Variants in KDM6A observed in about 807,000 individuals in gnomAD.
KDM6A encodes lysine demethylase 6A, also known as lysine-specific demethylase 6A.
In KDM6A, 11 loss-of-function variants were observed where a neutral mutation model predicts 117.6. The ratio of observed to expected loss-of-function variants is 0.09; its 90% confidence interval spans 0.06 to 0.15. The LOEUF is 0.15. Among genes scored for constraint, KDM6A ranks in the 10% least tolerant of loss-of-function variants. The probability of loss-of-function intolerance (pLI) is 1.00; values close to 1 mark genes in which losing one functional copy is unlikely to be tolerated. For synonymous variants in KDM6A, 384 were observed against 396.1 expected, an observed-to-expected ratio of 0.97 and a Z score of 0.36; for missense variants, 799 against 1,077.3, an observed-to-expected ratio of 0.74 and a Z score of 3.62.
intron 27 of KDM6A, among the ~76,000 whole-genome samples, chrX:45,101,934 C>T (rs370057238): frequency 9.0e-6 from 1 of 110,859 alleles, no homozygotes; most frequent in Non-Finnish European, 1.9e-5. Flanking sequence ...TAAATATCCC[C>T]TTTTTTCAGC....
intron 6 of KDM6A, among the ~76,000 whole-genome samples, chrX:45,034,400 A>T (rs769284749): frequency 8.9e-6 from 1 of 112,071 alleles, no homozygotes; most frequent in Non-Finnish European, 1.9e-5. Flanking sequence ...ATGAACTTGG[A>T]CACAGGCTAT....
intron 20 of KDM6A, 83 bp downstream of exon 20, chrX:45,078,588 C>CT (rs869040842): frequency 1.5e-5 from 11 of 737,102 alleles, no homozygotes; most frequent in Admixed American, 7.8e-5. Flanking sequence ...AGATACTTTT[C>CT]TTTTTTTTCT....
intron 3 of KDM6A, among the ~76,000 whole-genome samples, chrX:44,968,209 A>G (rs1269647615): frequency 1.8e-5 from 2 of 112,554 alleles, no homozygotes; most frequent in Middle Eastern, 4.2e-3. Context: ...CAATTATTCC[A>G]TATTGAACAT....
At chrX:45,097,699 G>A (rs1050913736) in intron 27 of KDM6A, among the ~76,000 whole-genome samples, 1 of 111,652 alleles carries the variant, frequency 9.0e-6, no homozygotes, top group Non-Finnish European at 1.9e-5. Context: ...TAAATCGCCT[G>A]TACTTCCTTA....
intron 2 of KDM6A, among the ~76,000 whole-genome samples, chrX:44,906,759 A>G (rs1312680331): frequency 9.0e-6 from 1 of 111,350 alleles, no homozygotes; most frequent in Non-Finnish European, 1.9e-5. Context: ...CCTGTCCTCA[A>G]GTGAGCCCAC....
chrX:44,877,047 A>G (rs1211919671), intron 2 of KDM6A, among the ~76,000 whole-genome samples: 1 of 111,954 alleles, frequency 8.9e-6, no homozygotes, highest in African/African-American at 3.2e-5. Context: ...ATACATACGT[A>G]TGTATATGCG....
Position 45,089,845 on chromosome X carries a change from G to A in KDM6A, c.3807G>A (p.Leu1269=), listed in dbSNP as rs2148194165. The change falls in exon 26 of 30, where the codon TTG becomes TTA. Residue 1269 remains leucine, a synonymous_variant. Coordinates refer to ENST00000611820, the MANE Select transcript of KDM6A (RefSeq NM_001291415.2). ...GGTTTATTCAGCGACCTGGAGATTT[G>A]GTCTGGATAAATGCAGGCACTGTTC... The part of the protein sequence containing the change: ...VYRFIQRPGD[L]VWINAGTVHW... 8.3e-7 allele frequency: 1 copy of A among 1,209,626 alleles called. No individual in the cohort carries two copies.
At chrX:45,025,167 AT>A (rs1264025642) in intron 6 of KDM6A, among the ~76,000 whole-genome samples, 1,122 of 104,375 alleles carry the variant, frequency 0.011, 7 homozygotes, top group Middle Eastern at 0.048. Context: ...TTAATTCAGG[AT>A]TTTTTTTTTT....
intron 20 of KDM6A, among the ~76,000 whole-genome samples, 170 bp downstream of exon 20, chrX:45,078,675 C>T (rs1195455068): frequency 9.6e-6 from 1 of 103,643 alleles, no homozygotes; most frequent in African/African-American, 3.6e-5. Context: ...GTGTGTGTAT[C>T]ACTTCTTTAA....
intron 2 of KDM6A, among the ~76,000 whole-genome samples, chrX:44,883,992 C>T (rs964697390): frequency 3.8e-5 from 4 of 105,390 alleles, no homozygotes; most frequent in Non-Finnish European, 5.8e-5. Flanking sequence ...ATTCCAGCTA[C>T]TTGGGAGGCT....
Position 45,093,180 on chromosome X carries a change from T to C in KDM6A, c.4034+2316T>C, listed in dbSNP as rs1255610507. Among the ~76,000 whole-genome samples the C allele has an allele frequency of 2.8e-5, 3 of 108,493 alleles. No homozygotes were observed. In the Admixed American group the frequency reaches 3.0e-4, roughly 11 times the overall value. The allele number at this position is 108,493 out of a possible 115,157, so 94.2% of individuals were successfully genotyped here. A position where few individuals can be genotyped will look rare whatever the true frequency, so the allele number is the denominator to read the frequency against. On this transcript the variant is annotated intron_variant, in intron 27 of 29. Transcript: ENST00000611820. ...GCCGGATCACTTGAGGTCAGGAGTT[T>C]GAGACCAGGCTGGCCAACATGGCGA...
chrX:45,032,385 T>A (rs1161685255), intron 6 of KDM6A, among the ~76,000 whole-genome samples: 2 of 111,884 alleles, frequency 1.8e-5, no homozygotes, highest in East Asian at 5.6e-4. Context: ...TGTGGTCATG[T>A]TATCCCTACC....
At chrX:45,046,633 C>T (rs2043549576) in intron 8 of KDM6A, among the ~76,000 whole-genome samples, 1 of 111,912 alleles carries the variant, frequency 8.9e-6, no homozygotes, top group African/African-American at 3.2e-5. Context: ...GATGTTGATT[C>T]TCCTTAGTGT....
chrX:44,955,692 T>C (rs1424058558), intron 2 of KDM6A, among the ~76,000 whole-genome samples: 2 of 111,545 alleles, frequency 1.8e-5, no homozygotes, highest in African/African-American at 6.5e-5. Flanking sequence ...TAGGTTAATA[T>C]AGGGGTTTTT....
At chrX:44,986,022 G>A in intron 4 of KDM6A, among the ~76,000 whole-genome samples, 1 of 111,810 alleles carries the variant, frequency 8.9e-6, no homozygotes, top group African/African-American at 3.3e-5. Flanking sequence ...GAATTCGGCT[G>A]TGAATCCATC....
chrX:44,960,561 T>A (rs2038612344), intron 2 of KDM6A, among the ~76,000 whole-genome samples: 1 of 112,003 alleles, frequency 8.9e-6, no homozygotes, highest in South Asian at 3.7e-4. Flanking sequence ...AACTGGAATT[T>A]GTCATCAAGC....
rs141975564 is a variant in KDM6A, at chrX:44,948,405, T to A, written c.226-12879T>A. Among the ~76,000 whole-genome samples, 402 of 111,905 alleles carry A rather than the reference T, an allele frequency of 3.6e-3. 2 individuals carry two copies. The highest frequency in any genetic ancestry group is 5.6e-3 in the Admixed American group (59 of 10,478). ...ACAGAGCTGTGTGTGCATGGTTAAG[T>A]TTTTTAGTTCATGAGAGAAGGGGGA... is the stretch of plus-strand genomic sequence containing the variant. On this transcript the variant is annotated intron_variant, in intron 2 of 29. Transcript: ENST00000611820.
intron 6 of KDM6A, among the ~76,000 whole-genome samples, chrX:45,028,035 C>T (rs936123255): frequency 4.5e-5 from 5 of 110,783 alleles, no homozygotes; most frequent in South Asian, 3.8e-4. Flanking sequence ...TTAGGCGATC[C>T]GCCTGCCTTG....
chrX:45,047,664 C>CTTTTTTTTTCTTTTT (rs2043611579), intron 8 of KDM6A, among the ~76,000 whole-genome samples: 2 of 27,215 alleles, frequency 7.3e-5, no homozygotes, highest in Non-Finnish European at 1.6e-4. Context: ...TATCTGCTTG[C>CTTTTTTTTTCTTTTT]TTTTTTTTTC....
Sources: allele counts gnomAD v4.1 joint callset (sites outside exome capture counted in the v4.1 genomes callset), GRCh38; gene constraint gnomAD v4.1.1; transcripts MANE v1.5; gene names NCBI Gene and HGNC (gene_info 2026-07-23, HGNC 2026-07-21).